Variants in SEMA3E observed in about 807,000 individuals in gnomAD.
SEMA3E encodes semaphorin-3E.
In SEMA3E, 49 loss-of-function variants were observed where a neutral mutation model predicts 93.6. The ratio of observed to expected loss-of-function variants is 0.52; its 90% CI spans 0.42 to 0.66. SEMA3E has a LOEUF of 0.66. SEMA3E is among the 30% of genes least tolerant of loss of function. The probability of loss-of-function intolerance (pLI) is 0.00; values close to 1 mark genes in which losing one functional copy is unlikely to be tolerated. For synonymous variants in SEMA3E, 363 were observed against 330.7 expected, an observed-to-expected ratio of 1.10 and a Z score of -1.06; for missense variants, 906 against 964.8, an observed-to-expected ratio of 0.94 and a Z score of 0.81.
Position 83,461,588 on chromosome 7 carries a change from A to G in SEMA3E, c.456+4894T>C, listed in dbSNP as rs186600134. 2.5e-3 allele frequency among the ~76,000 whole-genome samples: 385 copies of G among 152,272 alleles called. 7 individuals are homozygous for G. In the East Asian group the frequency reaches 0.027, roughly 11 times the overall value. ...ATAGCGTTTAGGCTCTTTTTCATCA[A>G]ATATAAAAATCCAGCCCAGTTCATG... is the stretch of plus-strand genomic sequence containing the variant. On this transcript the variant is annotated intron_variant, in intron 4 of 16. Coordinates refer to ENST00000643230, the MANE Select transcript of SEMA3E (RefSeq NM_012431.3).
chr7:83,623,610 TG>T (rs1447722233), intron 1 of SEMA3E, among the ~76,000 whole-genome samples: 2 of 151,032 alleles, frequency 1.3e-5, no homozygotes, highest in East Asian at 1.9e-4. Context: ...AATCTCTACC[TG>T]AAAAAAAAAA....
At chr7:83,552,203 G>A (rs2115804596) in intron 1 of SEMA3E, among the ~76,000 whole-genome samples, 1 of 152,318 alleles carries the variant, frequency 6.6e-6, no homozygotes, top group South Asian at 2.1e-4. Context: ...CCTGAACAGA[G>A]GGACCGGCTG....
intron 4 of SEMA3E, among the ~76,000 whole-genome samples, chr7:83,425,548 A>G (rs1482369586): frequency 6.6e-6 from 1 of 152,184 alleles, no homozygotes; most frequent in Non-Finnish European, 1.5e-5. Context: ...GTTAAAAATC[A>G]TTCATTGACT....
intron 11 of SEMA3E, among the ~76,000 whole-genome samples, chr7:83,397,339 A>G (rs1029844692): frequency 1.3e-5 from 2 of 152,164 alleles, no homozygotes; most frequent in Non-Finnish European, 2.9e-5. Context: ...AGAGATGCCA[A>G]ATTATTCTAG....
intron 1 of SEMA3E, among the ~76,000 whole-genome samples, chr7:83,564,787 G>A (rs1237855344): frequency 6.6e-6 from 1 of 151,998 alleles, no homozygotes; most frequent in South Asian, 2.1e-4. Context: ...ACAATTACAT[G>A]GTTGGCTAAA....
chr7:83,615,071 C>T lies in SEMA3E; in HGVS notation c.115+33357G>A, dbSNP rs147318769. 7.6e-4 allele frequency among the ~76,000 whole-genome samples: 115 copies of T among 152,170 alleles called. 1 individual carries two copies. In the Middle Eastern group the frequency reaches 0.01, roughly 14 times the overall value. ...GAAAGACAGCAAATAAGATACAACT[C>T]CTGCTCTAACATATTTAAACAATAC... is the stretch of plus-strand genomic sequence containing the variant. On this transcript the variant is annotated intron_variant, in intron 1 of 16. Coordinates refer to ENST00000643230, the MANE Select transcript of SEMA3E (RefSeq NM_012431.3).
chr7:83,444,864 T>A (rs1224152963), intron 4 of SEMA3E, among the ~76,000 whole-genome samples: 3 of 152,012 alleles, frequency 2.0e-5, no homozygotes, highest in African/African-American at 7.2e-5. Flanking sequence ...AGAGATGGGA[T>A]TTTGCCACGT....
At position 83,429,812 on chromosome 7, in the gene SEMA3E, G is replaced by T. The variant is rs192943286; in HGVS notation, c.457-11329C>A. Among the ~76,000 whole-genome samples, 84 of 151,964 alleles carry T rather than the reference G, an allele frequency of 5.5e-4. 1 individual carries two copies. In the South Asian group the frequency reaches 5.8e-3, roughly 11 times the overall value. On this transcript the variant is annotated intron_variant, in intron 4 of 16. Transcript: ENST00000643230. ...ATTATTGGGAAGGGGAATTCCATTC[G>T]GTTTTTTGCTTATTCGTTTGTTTTC...
chr7:83,406,494 C>CTA (rs1219426024), intron 7 of SEMA3E, among the ~76,000 whole-genome samples: 1 of 151,754 alleles, frequency 6.6e-6, no homozygotes, highest in Admixed American at 6.6e-5. Flanking sequence ...AACACCCATA[C>CTA]TATATATGTA....
intron 1 of SEMA3E, among the ~76,000 whole-genome samples, chr7:83,608,586 CT>C (rs1793177084): frequency 6.6e-6 from 1 of 152,162 alleles, no homozygotes; most frequent in African/African-American, 2.4e-5. Context: ...TAAACAACCC[CT>C]CTCTTGTTCT....
chr7:83,596,617 C>G (rs867877888), intron 1 of SEMA3E, among the ~76,000 whole-genome samples: 1 of 152,070 alleles, frequency 6.6e-6, no homozygotes, highest in South Asian at 2.1e-4. Context: ...CTCCACCCTA[C>G]TTCCTCCACC....
chr7:83,605,009 A>G (rs2115996597), intron 1 of SEMA3E, among the ~76,000 whole-genome samples: 1 of 152,224 alleles, frequency 6.6e-6, no homozygotes, highest in South Asian at 2.1e-4. Context: ...TATGTATCTC[A>G]TTATCTGTAT....
At chr7:83,553,880 A>T (rs776233186) in intron 1 of SEMA3E, among the ~76,000 whole-genome samples, 5 of 152,154 alleles carry the variant, frequency 3.3e-5, no homozygotes, top group Non-Finnish European at 7.4e-5. Context: ...ATTTCCAAAA[A>T]TATGCAAGAG....
chr7:83,475,540 TG>T (rs1228808010), intron 2 of SEMA3E, among the ~76,000 whole-genome samples: 2 of 152,052 alleles, frequency 1.3e-5, no homozygotes, highest in Non-Finnish European at 2.9e-5. Flanking sequence ...GTCCCTCAGG[TG>T]TGACACGTAT....
chr7:83,648,751 G>C lies in SEMA3E; in HGVS notation c.-209C>G. ...TCCTCGGGACAGTTGTTTATAAGCC[G>C]GGAGCAAGAGGACATTCCAAAGAGT... On this transcript the variant is annotated 5_prime_UTR_variant, in exon 1 of 17. Coordinates refer to ENST00000643230, the MANE Select transcript of SEMA3E (RefSeq NM_012431.3). 1.6e-6 allele frequency: 1 copy of C among 619,466 alleles called. No individual in the cohort carries two copies. Among genetic ancestry groups the C allele is most frequent in the East Asian group, 2.8e-5 (1 of 35,250 alleles). 38.4% of individuals were successfully genotyped at this position (619,466 alleles called of 1,614,324 possible). A position where few individuals can be genotyped will look rare whatever the true frequency, so the allele number is the denominator to read the frequency against.
At chr7:83,399,994 T>G in intron 11 of SEMA3E, 34 bp downstream of exon 11, 1 of 1,479,060 alleles carries the variant, frequency 6.8e-7, no homozygotes, top group Non-Finnish European at 9.5e-7. Context: ...AAGGGTCAAT[T>G]TAAATATCTC....
At chr7:83,496,423 G>A (rs1321127181) in intron 1 of SEMA3E, among the ~76,000 whole-genome samples, 7 of 151,864 alleles carry the variant, frequency 4.6e-5, no homozygotes, top group Non-Finnish European at 1.0e-4. Context: ...ATGGCAACAA[G>A]ATAAATAGAA....
intron 1 of SEMA3E, among the ~76,000 whole-genome samples, chr7:83,554,972 G>A (rs764183433): frequency 5.9e-5 from 7 of 119,526 alleles, no homozygotes; most frequent in East Asian, 3.0e-4. Flanking sequence ...GCGAGACTCC[G>A]TCTCAAAATA....
intron 1 of SEMA3E, among the ~76,000 whole-genome samples, chr7:83,618,034 A>T (rs1380981086): frequency 6.6e-6 from 1 of 152,114 alleles, no homozygotes; most frequent in Admixed American, 6.6e-5. Context: ...TGCTTTACTC[A>T]TCACCTACCT....
Sources: allele counts gnomAD v4.1 joint callset (sites outside exome capture counted in the v4.1 genomes callset), GRCh38; gene constraint gnomAD v4.1.1; transcripts MANE v1.5; gene names NCBI Gene and HGNC (gene_info 2026-07-23, HGNC 2026-07-21).